The following ITGA11 variants were observed in gnomAD, a reference collection of about 807,000 sequenced individuals.
The protein encoded by ITGA11 is integrin subunit alpha 11.
Under a neutral mutation model 141.9 loss-of-function variants are expected in ITGA11, and 97 were observed. The observed-to-expected ratio is 0.68, with a 90% CI of 0.58 to 0.81. The LOEUF is 0.81. Ranked by LOEUF, ITGA11 falls within the 30% of genes least tolerant of loss-of-function variation. ITGA11 has a pLI of 0.00. For missense variants in ITGA11, 1,387 were observed against 1,559.2 expected (o/e 0.89, Z 1.86); for synonymous variants, 658 against 624.6 (o/e 1.05, Z -0.80).
chr15:68,309,676 C>T (rs1567121994), intron 26 of ITGA11, among the ~76,000 whole-genome samples: 2 of 144,660 alleles, frequency 1.4e-5, no homozygotes, highest in Non-Finnish European at 3.0e-5. Context: ...CTCATTGCAA[C>T]GTCTGCCTCC....
At chr15:68,407,842 G>T (rs982170985) in intron 1 of ITGA11, among the ~76,000 whole-genome samples, 3 of 152,226 alleles carry the variant, frequency 2.0e-5, no homozygotes, top group African/African-American at 7.2e-5. Flanking sequence ...ACTCCCTACA[G>T]GTTAAGGTGA....
intron 1 of ITGA11, among the ~76,000 whole-genome samples, chr15:68,416,860 A>G (rs6494742): frequency 0.46 from 69,954 of 152,078 alleles, 16,624 homozygotes; most frequent in Non-Finnish European, 0.52. Context: ...AGGTTGCAGT[A>G]AGCCAAGATC....
chr15:68,411,818 C>T (rs1257329848), intron 1 of ITGA11, among the ~76,000 whole-genome samples: 2 of 152,150 alleles, frequency 1.3e-5, no homozygotes, highest in Non-Finnish European at 2.9e-5. Flanking sequence ...CAGCTTGGGC[C>T]TTAGGATGCC....
At chr15:68,339,297 A>T (rs1187806991) in intron 11 of ITGA11, among the ~76,000 whole-genome samples, 1 of 151,892 alleles carries the variant, frequency 6.6e-6, no homozygotes, top group Non-Finnish European at 1.5e-5. Context: ...AGAGCCTGTT[A>T]TACGCTGGGC....
At position 68,299,605 on chromosome 15, in the gene ITGA11, T is replaced by G. The variant is rs191039177; in HGVS notation, c.*3454A>C. 58 of 152,196 alleles carry G rather than the reference T, an allele frequency of 3.8e-4. No individual in the cohort carries two copies. Among genetic ancestry groups the G allele is most frequent in the African/African-American group, 1.3e-3 (54 of 41,492 alleles). 9.4% of individuals were successfully genotyped at this position (152,196 alleles called of 1,614,324 possible). A position where few individuals can be genotyped will look rare whatever the true frequency, so the allele number is the denominator to read the frequency against. ...GAGACTGCTTCGTGGTGGTGAGGCA[T>G]GGGTGCAGTGAGTTGTTATGCCAGG... On this transcript the variant is annotated 3_prime_UTR_variant, in exon 30 of 30. Coordinates refer to ENST00000315757, the MANE Select transcript of ITGA11 (RefSeq NM_001004439.2).
At chr15:68,404,508 T>G (rs1466882593) in intron 1 of ITGA11, among the ~76,000 whole-genome samples, 1 of 152,184 alleles carries the variant, frequency 6.6e-6, no homozygotes, top group Non-Finnish European at 1.5e-5. Flanking sequence ...CTCACATCTG[T>G]ATAGTACTTT....
intron 10 of ITGA11, among the ~76,000 whole-genome samples, chr15:68,348,576 T>C (rs1894809631): frequency 6.6e-6 from 1 of 152,180 alleles, no homozygotes; most frequent in African/African-American, 2.4e-5. Flanking sequence ...TTGTACGTTA[T>C]TTGTGGGAAG....
intron 5 of ITGA11, among the ~76,000 whole-genome samples, chr15:68,359,241 A>AT (rs904949241): frequency 3.0e-4 from 46 of 152,196 alleles, no homozygotes; most frequent in African/African-American, 1.1e-3. Context: ...TTATTTATTT[A>AT]TTTTTTAAGG....
At chr15:68,368,948 G>A (rs1371224553) in intron 3 of ITGA11, among the ~76,000 whole-genome samples, 3 of 148,798 alleles carry the variant, frequency 2.0e-5, no homozygotes, top group African/African-American at 7.4e-5. Flanking sequence ...GGGACAGCTA[G>A]GGCCTGGGTT....
Position 68,303,068 on chromosome 15 carries a change from C to T in ITGA11, c.3558G>A (p.Val1186=). The T allele has an allele frequency of 1.9e-6, 3 of 1,550,016 alleles. No individual in the cohort carries two copies. The highest frequency in any genetic ancestry group is 1.7e-6 in the Non-Finnish European group (2 of 1,146,804). The change falls in exon 30 of 30, where the codon GTG becomes GTA. Residue 1186 remains valine, a synonymous_variant. Coordinates refer to ENST00000315757, the MANE Select transcript of ITGA11 (RefSeq NM_001004439.2). The surrounding 1 kb of genome is among the most constrained non-coding windows in gnomAD (Gnocchi z 5.3). ...REPGLDPTPK[V]LE ...AGTCTCCTCTGGAGCCTCACTCCAG[C>T]ACTTTGGGGGTGGGGTCCAGACCAG...
intron 1 of ITGA11, among the ~76,000 whole-genome samples, chr15:68,405,205 T>G (rs1896620123): frequency 8.6e-6 from 1 of 115,820 alleles, no homozygotes; most frequent in Non-Finnish European, 1.6e-5. Flanking sequence ...GTAGCCAAAA[T>G]TTCCATCATT....
intron 1 of ITGA11, among the ~76,000 whole-genome samples, chr15:68,428,698 A>T (rs1179142278): frequency 6.6e-6 from 1 of 151,968 alleles, no homozygotes; most frequent in East Asian, 1.9e-4. Context: ...GCCTTTGTAC[A>T]CCTGTGGTGT....
intron 2 of ITGA11, among the ~76,000 whole-genome samples, chr15:68,388,531 T>A (rs902011992): frequency 1.3e-4 from 20 of 152,302 alleles, no homozygotes; most frequent in African/African-American, 4.8e-4. Context: ...TCATACTTTT[T>A]GCCCCTCCAG....
chr15:68,412,206 G>A (rs545591184), intron 1 of ITGA11, among the ~76,000 whole-genome samples: 1 of 152,266 alleles, frequency 6.6e-6, no homozygotes, highest in Admixed American at 6.5e-5. Flanking sequence ...ATTTCACAGA[G>A]TGATTGGACA....
chr15:68,313,645 C>T, intron 23 of ITGA11, 134 bp downstream of exon 23: 1 of 669,670 alleles, frequency 1.5e-6, no homozygotes, highest in South Asian at 1.8e-5. Context: ...CAGGGACACT[C>T]TTGGCTCCAT....
At chr15:68,410,228 A>T (rs1404542472) in intron 1 of ITGA11, among the ~76,000 whole-genome samples, 1 of 152,180 alleles carries the variant, frequency 6.6e-6, no homozygotes, top group Non-Finnish European at 1.5e-5. Flanking sequence ...ACCTCCCAGA[A>T]GCCTCTCCGC....
intron 21 of ITGA11, among the ~76,000 whole-genome samples, 195 bp from the exon 22 acceptor site, chr15:68,315,922 G>T (rs1038025315): frequency 1.3e-5 from 2 of 152,192 alleles, no homozygotes; most frequent in Non-Finnish European, 1.5e-5. Context: ...GGGCTGCTGT[G>T]GGGACACAGC....
rs567240009 is a variant in ITGA11 at position 68,301,987 on chromosome 15, GGACCC to G, written c.*1067_*1071del. On this transcript the variant is annotated 3_prime_UTR_variant, in exon 30 of 30. Coordinates refer to ENST00000315757, the MANE Select transcript of ITGA11 (RefSeq NM_001004439.2). This position sits in a 1 kb window ranked among gnomAD's most constrained non-coding sequence, Gnocchi z 4.4. The stretch of plus-strand genomic sequence containing the variant: ...TGCTTTATTCAGTGCATTCCAGAGG[GGACCC>G]CTCAACAGCGCTGGCCAAGCCCTTC... The G allele has an allele frequency of 3.9e-5, 6 of 152,748 alleles. No individual in the cohort carries two copies. In the South Asian group the frequency reaches 1.2e-3, roughly 32 times the overall value. The allele number at this position is 152,748 out of a possible 1,614,324, so 9.5% of individuals were successfully genotyped here.
chr15:68,312,141 T>C (rs921909104), intron 24 of ITGA11, among the ~76,000 whole-genome samples: 2 of 152,230 alleles, frequency 1.3e-5, no homozygotes, highest in Admixed American at 1.3e-4. Flanking sequence ...GGCTGCCAAA[T>C]TGCCTCCTAA....
Sources: gnomAD v4.1 joint callset for allele counts (sites outside exome capture counted in the v4.1 genomes callset) on GRCh38, gnomAD v4.1.1 for gene constraint, Gnocchi (gnomAD v3.1) non-coding constraint, MANE v1.5 for transcripts, NCBI Gene and HGNC (gene_info 2026-07-23, HGNC 2026-07-21) for gene names.